Variants in CNTN5 observed in about 807,000 individuals in gnomAD.
CNTN5 encodes the protein contactin 5.
In CNTN5, 77 loss-of-function variants were observed where a neutral mutation model predicts 129.1. The ratio of observed to expected loss-of-function variants is 0.60; its 90% CI spans 0.50 to 0.72. The LOEUF (loss-of-function observed/expected upper bound fraction) is 0.72, where lower values mean the gene tolerates loss of function less well. Among genes scored for constraint, CNTN5 ranks in the 30% least tolerant of loss-of-function variants. The pLI is 0.00. For missense variants in CNTN5, 1,478 were observed against 1,328.8 expected (o/e 1.11, Z -1.75); for synonymous variants, 509 against 465.6 (o/e 1.09, Z -1.20).
At chr11:100,323,956 T>C (rs1051091643) in intron 21 of CNTN5, among the ~76,000 whole-genome samples, 9 of 152,138 alleles carry the variant, frequency 5.9e-5, no homozygotes, top group African/African-American at 1.9e-4. Context: ...CATTAACTAG[T>C]TAGTAAATTT....
chr11:99,935,947 C>A (rs920767040), intron 7 of CNTN5, among the ~76,000 whole-genome samples: 2 of 152,118 alleles, frequency 1.3e-5, no homozygotes, highest in African/African-American at 2.4e-5. Context: ...ATTCAGTTCA[C>A]TTTTAGTTTT....
At chr11:99,152,262 G>A (rs879283815) in intron 1 of CNTN5, among the ~76,000 whole-genome samples, 2 of 152,010 alleles carry the variant, frequency 1.3e-5, no homozygotes, top group Non-Finnish European at 2.9e-5. Flanking sequence ...TTATAGTATA[G>A]CAACTTAAGA....
At chr11:100,237,866 A>T (rs1949654667) in intron 16 of CNTN5, among the ~76,000 whole-genome samples, 1 of 152,194 alleles carries the variant, frequency 6.6e-6, no homozygotes, top group South Asian at 2.1e-4. Flanking sequence ...ACTCTGTATT[A>T]TTGATTGAGT....
intron 2 of CNTN5, among the ~76,000 whole-genome samples, chr11:99,338,992 T>TGTAC (rs1555115079): frequency 7.3e-6 from 1 of 136,422 alleles, no homozygotes; most frequent in Non-Finnish European, 1.6e-5. Context: ...TATATATATA[T>TGTAC]ATAGTGTCCA....
At chr11:99,923,157 T>C (rs1949977886) in intron 7 of CNTN5, among the ~76,000 whole-genome samples, 1 of 152,216 alleles carries the variant, frequency 6.6e-6, no homozygotes, top group Non-Finnish European at 1.5e-5. Context: ...TGAATTGACT[T>C]GATAGCTAAA....
intron 2 of CNTN5, among the ~76,000 whole-genome samples, chr11:99,377,151 C>T (rs1005541195): frequency 6.6e-6 from 1 of 151,650 alleles, no homozygotes; most frequent in Non-Finnish European, 1.5e-5. Flanking sequence ...TGTTTTTGGT[C>T]TAGGAGGTGT....
At chr11:99,580,197 A>G (rs1482505287) in intron 3 of CNTN5, among the ~76,000 whole-genome samples, 1 of 152,128 alleles carries the variant, frequency 6.6e-6, no homozygotes, top group Non-Finnish European at 1.5e-5. Context: ...ATCATGGTGG[A>G]TAAGCTTTTT....
intron 3 of CNTN5, among the ~76,000 whole-genome samples, chr11:99,632,252 T>C (rs1951385587): frequency 6.6e-6 from 1 of 151,888 alleles, no homozygotes; most frequent in South Asian, 2.1e-4. Context: ...AATATGTTAA[T>C]TGAAATAAAA....
intron 2 of CNTN5, among the ~76,000 whole-genome samples, chr11:99,391,923 A>G (rs897179104): frequency 3.9e-5 from 6 of 152,006 alleles, no homozygotes; most frequent in Admixed American, 1.3e-4. Flanking sequence ...CCTCAAAGAA[A>G]ATCTCAAGAA....
chr11:99,561,192 A>T (rs1210243094), intron 3 of CNTN5, among the ~76,000 whole-genome samples: 3 of 152,084 alleles, frequency 2.0e-5, no homozygotes, highest in Admixed American at 6.6e-5. Context: ...ACCAAAACCA[A>T]AACAAAACCA....
chr11:99,331,170 A>G (rs1865984712), intron 2 of CNTN5, among the ~76,000 whole-genome samples: 1 of 152,128 alleles, frequency 6.6e-6, no homozygotes, highest in Admixed American at 6.6e-5. Flanking sequence ...GGGACAGGGT[A>G]GAGCCTTGCA....
At chr11:100,203,667 T>C (rs1948838567) in intron 15 of CNTN5, among the ~76,000 whole-genome samples, 1 of 151,860 alleles carries the variant, frequency 6.6e-6, no homozygotes, top group African/African-American at 2.4e-5. Flanking sequence ...AAAGTCCTAT[T>C]CCCAGCACTT....
intron 9 of CNTN5, among the ~76,000 whole-genome samples, chr11:100,046,590 AATTT>A (rs1942688479): frequency 6.6e-6 from 1 of 152,104 alleles, no homozygotes; most frequent in African/African-American, 2.4e-5. Flanking sequence ...AGGTAATTGT[AATTT>A]ATTTATTTTA....
intron 1 of CNTN5, among the ~76,000 whole-genome samples, chr11:99,132,472 T>C (rs1176991912): frequency 6.6e-6 from 1 of 152,166 alleles, no homozygotes; most frequent in Non-Finnish European, 1.5e-5. Flanking sequence ...TTGTCTTTGT[T>C]TGCAGATGAC....
chr11:99,680,749 A>C (rs1005222882), intron 3 of CNTN5, among the ~76,000 whole-genome samples: 2 of 152,008 alleles, frequency 1.3e-5, no homozygotes, highest in African/African-American at 4.8e-5. Flanking sequence ...ATATTAGAAG[A>C]ATCACCGGCT....
chr11:99,139,116 A>AAC (rs1859388078), intron 1 of CNTN5, among the ~76,000 whole-genome samples: 1 of 80,884 alleles, frequency 1.2e-5, no homozygotes, highest in Non-Finnish European at 2.6e-5. Context: ...CCCCCCCCAA[A>AAC]AATTAGCCAG....
intron 1 of CNTN5, among the ~76,000 whole-genome samples, chr11:99,111,381 T>C (rs1010488439): frequency 1.3e-5 from 2 of 151,934 alleles, no homozygotes; most frequent in Admixed American, 1.3e-4. Flanking sequence ...TTAGAAAAGG[T>C]ACAAATTCTG....
At chr11:99,157,908 TG>T (rs1169515537) in intron 1 of CNTN5, among the ~76,000 whole-genome samples, 2 of 152,196 alleles carry the variant, frequency 1.3e-5, no homozygotes, top group African/African-American at 4.8e-5. Flanking sequence ...AACTGAGGTT[TG>T]TACAGGGCAC....
At chr11:99,550,518 G>C (rs1212369677) in intron 2 of CNTN5, among the ~76,000 whole-genome samples, 1 of 152,066 alleles carries the variant, frequency 6.6e-6, no homozygotes. Flanking sequence ...AATGTCACAA[G>C]CTTCAGTCTT....
Sources: allele counts gnomAD v4.1 joint callset (sites outside exome capture counted in the v4.1 genomes callset), GRCh38; gene constraint gnomAD v4.1.1; transcripts MANE v1.5; gene names NCBI Gene and HGNC (gene_info 2026-07-23, HGNC 2026-07-21).